LRP1B: variants seen among roughly 807,000 people sequenced by gnomAD.
The protein encoded by LRP1B is low-density lipoprotein receptor-related protein 1B.
Under a neutral mutation model 556.6 loss-of-function variants are expected in LRP1B, and 217 were observed. That is an observed-to-expected ratio of 0.39 (90% CI 0.35 to 0.44). The LOEUF (loss-of-function observed/expected upper bound fraction) is 0.44. Among genes scored for constraint, LRP1B ranks in the 20% least tolerant of loss-of-function variants. The pLI is 1.00. For synonymous variants in LRP1B, 2,047 were observed against 1,865.8 expected (o/e 1.10, Z -2.50); for missense variants, 5,053 against 5,620.8 (o/e 0.90, Z 3.23).
intron 1 of LRP1B, among the ~76,000 whole-genome samples, chr2:141,909,526 ATTTTTTTTTTTTTTTTTTTTTT>A (rs377577096): frequency 1.1e-5 from 1 of 93,394 alleles, no homozygotes; most frequent in African/African-American, 4.7e-5. Flanking sequence ...GGTCTCAGAC[ATTTTTTTTTTTTTTTTTTTTTT>A]TTTTTTTTTT....
At chr2:141,937,644 A>G (rs952814691) in intron 1 of LRP1B, among the ~76,000 whole-genome samples, 1 of 151,694 alleles carries the variant, frequency 6.6e-6, no homozygotes, top group Non-Finnish European at 1.5e-5. Flanking sequence ...CAAGGATAAA[A>G]AAAACCATGG....
At chr2:140,358,398 A>G (rs546811104) in intron 73 of LRP1B, among the ~76,000 whole-genome samples, 3 of 151,772 alleles carry the variant, frequency 2.0e-5, no homozygotes, top group South Asian at 2.1e-4. Flanking sequence ...AATGGCTCCA[A>G]TTAGGTCAGG....
intron 3 of LRP1B, among the ~76,000 whole-genome samples, chr2:141,363,452 C>A (rs1688909771): frequency 6.6e-6 from 1 of 151,946 alleles, no homozygotes; most frequent in African/African-American, 2.4e-5. Context: ...CTGTGTTTTT[C>A]AAAAATGTCT....
intron 55 of LRP1B, among the ~76,000 whole-genome samples, chr2:140,495,984 A>G (rs1257348232): frequency 6.6e-6 from 1 of 152,168 alleles, no homozygotes; most frequent in East Asian, 1.9e-4. Context: ...GTAAAAGTTA[A>G]TTGACATTGC....
intron 2 of LRP1B, among the ~76,000 whole-genome samples, chr2:141,772,017 C>T (rs1694917092): frequency 6.6e-6 from 1 of 152,038 alleles, no homozygotes; most frequent in Non-Finnish European, 1.5e-5. Flanking sequence ...CGGGGTTTCA[C>T]CATGTTGGCG....
intron 31 of LRP1B, among the ~76,000 whole-genome samples, chr2:140,818,952 A>AAAAAAAAAG (rs1691222982): frequency 6.6e-6 from 1 of 151,640 alleles, no homozygotes; most frequent in African/African-American, 2.4e-5. Context: ...AAAAAAAAAA[A>AAAAAAAAAG]AAAAAAAAGA....
chr2:141,686,999 A>G (rs1281995105), intron 2 of LRP1B, among the ~76,000 whole-genome samples: 1 of 152,024 alleles, frequency 6.6e-6, no homozygotes, highest in East Asian at 1.9e-4. Flanking sequence ...CATAACTGCA[A>G]GAAATAAATT....
chr2:140,841,698 A>G (rs1692109977), intron 29 of LRP1B, among the ~76,000 whole-genome samples: 1 of 152,204 alleles, frequency 6.6e-6, no homozygotes, highest in Non-Finnish European at 1.5e-5. Context: ...GATTTGTTAC[A>G]GCCAATATAA....
intron 2 of LRP1B, among the ~76,000 whole-genome samples, chr2:141,687,595 T>C (rs775195954): frequency 6.6e-6 from 1 of 152,010 alleles, no homozygotes; most frequent in Non-Finnish European, 1.5e-5. Context: ...TGGTTTTTAT[T>C]AAGATAGAGG....
chr2:141,514,812 C>T (rs1684253786), intron 2 of LRP1B, among the ~76,000 whole-genome samples: 1 of 151,290 alleles, frequency 6.6e-6, no homozygotes, highest in Non-Finnish European at 1.5e-5. Flanking sequence ...TTTCATATCT[C>T]ATCTAATTAA....
At chr2:140,980,668 T>C (rs1262660092) in intron 18 of LRP1B, among the ~76,000 whole-genome samples, 5 of 152,160 alleles carry the variant, frequency 3.3e-5, no homozygotes. Context: ...GTTACCACCA[T>C]GGAAAACAAT....
chr2:141,467,196 G>A (rs1479663409), intron 3 of LRP1B, among the ~76,000 whole-genome samples: 2 of 150,582 alleles, frequency 1.3e-5, no homozygotes, highest in African/African-American at 4.9e-5. Flanking sequence ...AGAGCGCGGG[G>A]GGAATTATAG....
At chr2:140,701,337 C>T (rs1256241536) in intron 40 of LRP1B, among the ~76,000 whole-genome samples, 2 of 151,976 alleles carry the variant, frequency 1.3e-5, no homozygotes, top group Non-Finnish European at 2.9e-5. Flanking sequence ...GGATCATAAC[C>T]ACTTATTATA....
chr2:141,857,935 A>T (rs1404660458), intron 1 of LRP1B, among the ~76,000 whole-genome samples: 3 of 152,100 alleles, frequency 2.0e-5, no homozygotes, highest in African/African-American at 7.2e-5. Flanking sequence ...ACTTGATACT[A>T]TCTGTACTAT....
chr2:140,536,525 CT>C (rs1421080125), intron 46 of LRP1B, 55 bp downstream of exon 46: 3 of 1,559,022 alleles, frequency 1.9e-6, no homozygotes, highest in Non-Finnish European at 2.6e-6. Context: ...AAACCAAAAA[CT>C]GTAAAGAATC....
chr2:141,896,993 G>A (rs541059773), intron 1 of LRP1B, among the ~76,000 whole-genome samples: 7 of 152,028 alleles, frequency 4.6e-5, no homozygotes, highest in Admixed American at 3.9e-4. Context: ...GTTAGGGTAC[G>A]GCTTCCAGAT....
Position 140,503,067 on chromosome 2 carries a change from G to T in LRP1B, c.8558C>A (p.Ala2853Asp), listed in dbSNP as rs147327468. The change falls in exon 54 of 91, where the codon GCT becomes GAT. Residue 2853 changes from alanine to aspartate, a missense_variant. Around this residue, in one of 5 missense-constraint regions of LRP1B, gnomAD observed 3,619 missense variants for 3,931.9 expected, o/e 0.92. Transcript: ENST00000389484. ...AGTATTTAGAAGACACCGCCCATCAGCACAACTAAATTCTTCTGTACCACA... is the reference window on the plus strand; with the variant it reads ...AGTATTTAGAAGACACCGCCCATCATCACAACTAAATTCTTCTGTACCACA... The part of the protein sequence containing the change: ...RQCGTEEFSC[A>D]DGRCLLNTQW... The T allele has an allele frequency of 1.3e-4, 208 of 1,613,216 alleles. No individual in the cohort carries two copies. The highest frequency in any genetic ancestry group is 2.7e-5 in the Non-Finnish European group (32 of 1,179,352).
chr2:141,781,596 G>A (rs1028819854), intron 2 of LRP1B, among the ~76,000 whole-genome samples: 2 of 152,148 alleles, frequency 1.3e-5, no homozygotes, highest in African/African-American at 2.4e-5. Flanking sequence ...AAAATGGAAA[G>A]CAGCATTTGT....
rs538532138 is a variant in LRP1B at position 142,024,479 on chromosome 2, C to A, written c.82+106169G>T. Among the ~76,000 whole-genome samples, 6 of 152,238 alleles carry A rather than the reference C, an allele frequency of 3.9e-5. 1 individual carries two copies. Among genetic ancestry groups the A allele is most frequent in the African/African-American group, 1.4e-4 (6 of 41,556 alleles). Reference sequence around the variant, plus strand: ...TATCCTTTCCCAGGTGATGCTGAGGCTGTTGGTCCAGGGATTACACTTAAG... The same window carrying A: ...TATCCTTTCCCAGGTGATGCTGAGGATGTTGGTCCAGGGATTACACTTAAG... On this transcript the variant is annotated intron_variant, in intron 1 of 90. Coordinates refer to ENST00000389484, the MANE Select transcript of LRP1B (RefSeq NM_018557.3).
Sources: gnomAD v4.1 joint callset for allele counts (sites outside exome capture counted in the v4.1 genomes callset) on GRCh38, gnomAD v4.1.1 for gene constraint, gnomAD v4.1.1 regional missense constraint, MANE v1.5 for transcripts, NCBI Gene and HGNC (gene_info 2026-07-23, HGNC 2026-07-21) for gene names.